PES1: variants seen among roughly 807,000 people sequenced by gnomAD.
PES1 encodes the protein pescadillo homolog.
In PES1, 31 loss-of-function variants were observed where a neutral mutation model predicts 77.1. The ratio of observed to expected loss-of-function variants is 0.40; its 90% CI spans 0.30 to 0.54. The LOEUF is 0.54. PES1 is among the 20% of genes least tolerant of loss of function. The pLI is 0.45. For missense variants in PES1, 658 were observed against 771.7 expected, an observed-to-expected ratio of 0.85 and a Z score of 1.75; for synonymous variants, 282 against 303.0, an observed-to-expected ratio of 0.93 and a Z score of 0.72.
At chr22:30,583,800 C>T (rs537830287) in intron 6 of PES1, among the ~76,000 whole-genome samples, 45 of 152,366 alleles carry the variant, frequency 3.0e-4, no homozygotes, top group Non-Finnish European at 6.0e-4. Context: ...GGAAACAGTG[C>T]CACATGCTAA....
chr22:30,599,773 G>T lies in PES1; in HGVS notation c.-661+5688C>A, dbSNP rs959767507. Reference sequence around the variant, plus strand: ...AAATTAGCCAGGCATGGTGGTACATGCCTGTAATCACAGCTACTCGGGAGG... The same window carrying T: ...AAATTAGCCAGGCATGGTGGTACATTCCTGTAATCACAGCTACTCGGGAGG... On this transcript the variant is annotated intron_variant, in intron 2 of 16. Coordinates refer to the PES1 transcript ENST00000402281. Among the ~76,000 whole-genome samples the T allele has an allele frequency of 1.4e-4, 22 of 152,112 alleles. 4 individuals carry two copies. The highest frequency in any genetic ancestry group is 1.3e-3 in the Admixed American group (20 of 15,262).
intron 9 of PES1, 60 bp downstream of exon 9, chr22:30,580,952 T>A: frequency 6.9e-7 from 1 of 1,449,814 alleles, no homozygotes; most frequent in South Asian, 1.2e-5. Context: ...GTCCCTAAGC[T>A]GGGAAACCCC....
chr22:30,599,173 A>AG (rs1602029037), intron 2 of PES1, among the ~76,000 whole-genome samples: 1 of 152,224 alleles, frequency 6.6e-6, no homozygotes, highest in Admixed American at 6.5e-5. Context: ...CTGGGATTAC[A>AG]GGCATGAGTC....
In PES1 at chr22:30,598,669, C is replaced by T. The variant is rs906476598; in HGVS notation, c.-660-6271G>A. On this transcript the variant is annotated intron_variant, in intron 2 of 16. Transcript: ENST00000402281. Reference sequence around the variant, plus strand: ...GTATTGAACTCCTTACCTTAAGTGACCCCCGCACCTCGGCCTCCCAAAGTG... The same window carrying T: ...GTATTGAACTCCTTACCTTAAGTGATCCCCGCACCTCGGCCTCCCAAAGTG... 2.0e-5 allele frequency among the ~76,000 whole-genome samples: 3 copies of T among 151,960 alleles called. No homozygotes were observed. In the South Asian group the frequency reaches 6.2e-4, roughly 32 times the overall value.
At chr22:30,598,868 T>C (rs1443741777) in intron 2 of PES1, among the ~76,000 whole-genome samples, 1 of 149,206 alleles carries the variant, frequency 6.7e-6, no homozygotes, top group Non-Finnish European at 1.5e-5. Flanking sequence ...TTTTCAAGTT[T>C]ATGTGACTTA....
At chr22:30,586,586 G>A (rs760412394) in intron 4 of PES1, among the ~76,000 whole-genome samples, 18 of 152,136 alleles carry the variant, frequency 1.2e-4, no homozygotes, top group Non-Finnish European at 1.9e-4. Context: ...CCAATAGCAC[G>A]TCCATCCAAG....
At position 30,597,911 on chromosome 22, in the gene PES1, T is replaced by G. The variant is rs1428675791; in HGVS notation, c.-660-5513A>C. ...TTTTTTTTTTTGTTTTGAGTCGGAG[T>G]CTCACTCTGTCGCCCAGGCTGGAGT... On this transcript the variant is annotated intron_variant, in intron 2 of 16. Transcript: ENST00000402281. 2.8e-4 allele frequency among the ~76,000 whole-genome samples: 37 copies of G among 131,752 alleles called. No individual in the cohort carries two copies. The Admixed American group carries it at 2.8e-3, about 10-fold the overall frequency. 86.4% of individuals were successfully genotyped at this position (131,752 alleles called of 152,430 possible). A position where few individuals can be genotyped will look rare whatever the true frequency, so the allele number is the denominator to read the frequency against.
rs186620740 is a variant in PES1, at chr22:30,580,203, C to T, written c.1044-25G>A. On this transcript the variant is annotated intron_variant, in intron 10 of 14. Coordinates refer to ENST00000354694, the MANE Select transcript of PES1 (RefSeq NM_014303.4). ...CCTACAGGGACAGGGAGAGCCCACACGGGTACACAGACATGAGCTGCCTGT... is the reference window on the plus strand; with the variant it reads ...CCTACAGGGACAGGGAGAGCCCACATGGGTACACAGACATGAGCTGCCTGT... The T allele has an allele frequency of 1.3e-3, 2,147 of 1,597,600 alleles. 1 individual carries two copies. The highest frequency in any genetic ancestry group is 1.6e-3 in the Non-Finnish European group (1,829 of 1,172,426).
Position 30,589,232 on chromosome 22 carries a change from G to C in PES1, c.63C>G (p.Asn21Lys), listed in dbSNP as rs369965183. ...TCAGCTGGAGCTTCTTCCGGGCTTT[G>C]TTCCGGGTGATGTAGTTGGTGGCCG... ...RGSATNYITR[N>K]KARKKLQLSL... is the part of the protein sequence containing the mutation. Residue 21 changes from asparagine to lysine, a missense_variant, in exon 2 of 15, where the codon AAC becomes AAG. By Grantham distance (94) the Asn-to-Lys change is moderately conservative. Coordinates refer to ENST00000354694, the MANE Select transcript of PES1 (RefSeq NM_014303.4). The C allele has an allele frequency of 1.9e-6, 3 of 1,613,934 alleles. No individual in the cohort carries two copies. Among genetic ancestry groups the C allele is most frequent in the Admixed American group, 1.7e-5 (1 of 59,982 alleles).
At chr22:30,603,791 C>T (rs1262770160) in intron 2 of PES1, 1 of 152,162 alleles carries the variant, frequency 6.6e-6, no homozygotes, top group East Asian at 1.9e-4. Context: ...CATCTTCATG[C>T]ATACAATTTT....
At chr22:30,606,588 C>A (rs933182960) in intron 1 of PES1, 3 of 152,824 alleles carry the variant, frequency 2.0e-5, no homozygotes, top group African/African-American at 7.2e-5. Context: ...TTTGTCCTCT[C>A]CAGGAGGCTC....
At chr22:30,588,232 G>A in intron 2 of PES1, 58 bp from the exon 3 acceptor site, 1 of 1,605,706 alleles carries the variant, frequency 6.2e-7, no homozygotes. Flanking sequence ...GGGAGCACTG[G>A]CCACAGCTGG....
chr22:30,599,241 T>C (rs988019299), intron 2 of PES1, among the ~76,000 whole-genome samples: 6 of 152,134 alleles, frequency 3.9e-5, no homozygotes, highest in African/African-American at 7.2e-5. Flanking sequence ...TTAAAAGTTA[T>C]TGGTAAAATA....
At chr22:30,598,885 ATTTTTTTTTTT>A (rs71200084) in intron 2 of PES1, among the ~76,000 whole-genome samples, 26 of 51,224 alleles carry the variant, frequency 5.1e-4, no homozygotes, top group Admixed American at 3.6e-3. Context: ...CTTAAGTAAA[ATTTTTTTTTTT>A]TTTTTTTTTT....
At position 30,606,910 on chromosome 22, in the gene PES1, C is replaced by G. The variant is rs1275709682; in HGVS notation, c.-819G>C. ...AGGAGTACCGGGTAGGCACCCGGTCCTGCCAATCCACCACTGGAACAGCTG... is the reference window on the plus strand; with the variant it reads ...AGGAGTACCGGGTAGGCACCCGGTCGTGCCAATCCACCACTGGAACAGCTG... On this transcript the variant is annotated 5_prime_UTR_variant, in exon 1 of 17. Coordinates refer to the PES1 transcript ENST00000402281. The G allele has an allele frequency of 2.8e-6, 3 of 1,066,292 alleles. No individual in the cohort carries two copies. The East Asian group carries it at 2.4e-4, about 85-fold the overall frequency. The allele number at this position is 1,066,292 out of a possible 1,614,324, so 66.1% of individuals were successfully genotyped here.
intron 4 of PES1, among the ~76,000 whole-genome samples, chr22:30,586,311 C>T (rs1270705691): frequency 1.3e-5 from 2 of 152,210 alleles, no homozygotes; most frequent in African/African-American, 4.8e-5. Flanking sequence ...GCTCATGTGC[C>T]ACACAGCTGG....
At chr22:30,599,305 G>GT (rs35307091) in intron 2 of PES1, among the ~76,000 whole-genome samples, 1 of 151,960 alleles carries the variant, frequency 6.6e-6, no homozygotes, top group South Asian at 2.1e-4. Flanking sequence ...ATTGGTCAAA[G>GT]TTTTTTTACA....
intron 1 of PES1, 131 bp from the exon 2 acceptor site, chr22:30,589,401 A>G: frequency 1.3e-6 from 1 of 758,616 alleles, no homozygotes; most frequent in Non-Finnish European, 2.2e-6. Flanking sequence ...GAGAGGAAAC[A>G]CTGCAGGGAA....
intron 14 of PES1, among the ~76,000 whole-genome samples, chr22:30,577,648 G>C (rs2086921688): frequency 6.6e-6 from 1 of 152,026 alleles, no homozygotes; most frequent in African/African-American, 2.4e-5. Flanking sequence ...GCACCACCAT[G>C]CGTAGCCCTT....
Sources: allele counts gnomAD v4.1 joint callset (sites outside exome capture counted in the v4.1 genomes callset), GRCh38; gene constraint gnomAD v4.1.1; transcripts MANE v1.5; gene names NCBI Gene and HGNC (gene_info 2026-07-23, HGNC 2026-07-21).